The following PRMT8 variants were observed in gnomAD, a reference collection of about 807,000 sequenced individuals.
PRMT8 encodes protein arginine methyltransferase 8, also known as protein arginine N-methyltransferase 8.
A neutral mutation model predicts 47.1 loss-of-function variants in PRMT8; 7 were observed. The observed-to-expected ratio is 0.15, with a 90% CI of 0.08 to 0.28. The LOEUF (loss-of-function observed/expected upper bound fraction) is 0.28. PRMT8 is among the 10% of genes least tolerant of loss of function. The probability of loss-of-function intolerance (pLI) is 1.00; values close to 1 mark genes in which losing one functional copy is unlikely to be tolerated. For missense variants in PRMT8, 237 were observed against 505.4 expected (o/e 0.47, Z 5.09); for synonymous variants, 188 against 186.5 (o/e 1.01, Z -0.07).
At chr12:3,545,346 T>C (rs1277246961) in intron 2 of PRMT8, among the ~76,000 whole-genome samples, 1 of 152,336 alleles carries the variant, frequency 6.6e-6, no homozygotes, top group African/African-American at 2.4e-5. Flanking sequence ...CCATGCCCCA[T>C]GCCTGGTTCT....
At chr12:3,411,140 G>A (rs535561006) in intron 1 of PRMT8, among the ~76,000 whole-genome samples, 1 of 152,292 alleles carries the variant, frequency 6.6e-6, no homozygotes, top group South Asian at 2.1e-4. Flanking sequence ...TGCCTGGGGT[G>A]TTTGCCAGGC....
intron 4 of PRMT8, among the ~76,000 whole-genome samples, chr12:3,554,348 G>A (rs914221775): frequency 2.6e-5 from 4 of 152,182 alleles, no homozygotes; most frequent in Non-Finnish European, 5.9e-5. Context: ...ATCAGGAGAC[G>A]TCCTTGGAGC....
rs1036955247 is a variant in PRMT8 at position 3,505,978 on chromosome 12, T to G, written c.75+14278T>G. Among the ~76,000 whole-genome samples the G allele has an allele frequency of 6.6e-5, 10 of 152,326 alleles. 1 individual carries two copies. Among genetic ancestry groups the G allele is most frequent in the Admixed American group, 6.5e-4 (10 of 15,304 alleles). The stretch of plus-strand genomic sequence containing the variant: ...AACTTGGGCGCTGATCAGCAGCTTA[T>G]TTGAAGGGCTCTTCTGGAGGGCAGG... On this transcript the variant is annotated intron_variant, in intron 1 of 9. Coordinates refer to ENST00000382622, the MANE Select transcript of PRMT8 (RefSeq NM_019854.5).
At chr12:3,543,723 A>G (rs3782757) in intron 2 of PRMT8, among the ~76,000 whole-genome samples, 129,955 of 152,254 alleles carry the variant, frequency 0.85, 55,622 homozygotes, top group East Asian at 0.97. Context: ...AGACAACTCT[A>G]TCCCCAGCCT....
chr12:3,413,106 T>C (rs1042428213), intron 1 of PRMT8, among the ~76,000 whole-genome samples: 2 of 152,326 alleles, frequency 1.3e-5, no homozygotes, highest in East Asian at 3.9e-4. Flanking sequence ...TGCTTCTGGC[T>C]GTTAGCTAGT....
intron 4 of PRMT8, among the ~76,000 whole-genome samples, chr12:3,567,840 G>T (rs951583703): frequency 6.6e-6 from 1 of 152,102 alleles, no homozygotes; most frequent in Non-Finnish European, 1.5e-5. Context: ...TTGGGAGGCC[G>T]AGGCGGGTAG....
At chr12:3,523,900 G>A (rs564075364) in intron 1 of PRMT8, among the ~76,000 whole-genome samples, 1 of 152,226 alleles carries the variant, frequency 6.6e-6, no homozygotes, top group East Asian at 1.9e-4. Context: ...AGTTCAATAA[G>A]CCTATGGGAA....
intron 1 of PRMT8, among the ~76,000 whole-genome samples, chr12:3,537,983 C>T (rs776060853): frequency 6.6e-6 from 1 of 152,188 alleles, no homozygotes; most frequent in African/African-American, 2.4e-5. Flanking sequence ...CCGGCAATAG[C>T]TCCCCGTTGT....
intron 4 of PRMT8, among the ~76,000 whole-genome samples, chr12:3,567,378 C>T (rs1278148226): frequency 6.6e-6 from 1 of 152,206 alleles, no homozygotes; most frequent in Non-Finnish European, 1.5e-5. Flanking sequence ...AGAGCCCATG[C>T]TCTCATCAAA....
intron 1 of PRMT8, among the ~76,000 whole-genome samples, chr12:3,451,760 C>T (rs1864921284): frequency 6.6e-6 from 1 of 152,180 alleles, no homozygotes; most frequent in Non-Finnish European, 1.5e-5. Context: ...CATGTTGATT[C>T]ACTTAAAGGA....
At position 3,513,634 on chromosome 12, in the gene PRMT8, A is replaced by C. The variant is rs143586583; in HGVS notation, c.75+21934A>C. Reference sequence around the variant, plus strand: ...CGTGAGAGTGCAGTCTTCTCTGTCCATGGTGAGTTCCCTGCCGAATTTTCT... The same window carrying C: ...CGTGAGAGTGCAGTCTTCTCTGTCCCTGGTGAGTTCCCTGCCGAATTTTCT... On this transcript the variant is annotated intron_variant, in intron 1 of 9. Transcript: ENST00000382622. 4.3e-4 allele frequency among the ~76,000 whole-genome samples: 66 copies of C among 152,240 alleles called. 1 individual carries two copies. Among genetic ancestry groups the C allele is most frequent in the African/African-American group, 1.3e-3 (53 of 41,536 alleles).
rs1013558082 is a variant in PRMT8 at position 3,570,036 on chromosome 12, T to C, written c.712+472T>C. On this transcript the variant is annotated intron_variant, in intron 6 of 9. Transcript: ENST00000382622. This position sits in a 1 kb window ranked among gnomAD's most constrained non-coding sequence, Gnocchi z 5.5. ...ATTCTCTTATGCAAATACATATTAT[T>C]TGAGGTTCTTTTGAGGAATAGATAG... Among the ~76,000 whole-genome samples the C allele has an allele frequency of 6.6e-6, 1 of 152,186 alleles. No homozygotes were observed. Among genetic ancestry groups the C allele is most frequent in the East Asian group, 1.9e-4 (1 of 5,198 alleles).
intron 1 of PRMT8, among the ~76,000 whole-genome samples, chr12:3,404,237 C>A (rs11062637): frequency 0.25 from 37,882 of 151,982 alleles, 4,948 homozygotes; most frequent in African/African-American, 0.29. Context: ...GTATGTATTT[C>A]CATAAAATAT....
At chr12:3,396,493 A>G (rs1479495055) in intron 1 of PRMT8, among the ~76,000 whole-genome samples, 2 of 152,184 alleles carry the variant, frequency 1.3e-5, no homozygotes, top group Non-Finnish European at 2.9e-5. Context: ...GCTGGATATG[A>G]AATTCTGGGT....
chr12:3,472,218 G>C (rs1273532570), intron 1 of PRMT8, among the ~76,000 whole-genome samples: 1 of 152,210 alleles, frequency 6.6e-6, no homozygotes, highest in East Asian at 1.9e-4. Context: ...GTGATCCACA[G>C]ATTGCCCTGT....
At chr12:3,560,535 G>C (rs1866618961) in intron 4 of PRMT8, among the ~76,000 whole-genome samples, 1 of 152,208 alleles carries the variant, frequency 6.6e-6, no homozygotes, top group Non-Finnish European at 1.5e-5. Flanking sequence ...AAACCAGTGG[G>C]CTGCCGAGAT....
intron 1 of PRMT8, among the ~76,000 whole-genome samples, chr12:3,442,272 A>C (rs528380260): frequency 3.3e-5 from 5 of 152,342 alleles, no homozygotes; most frequent in African/African-American, 9.6e-5. Context: ...AGCTAACGAT[A>C]GGGTGGCTGT....
At chr12:3,449,712 G>T (rs2137079331) in intron 1 of PRMT8, among the ~76,000 whole-genome samples, 2 of 152,130 alleles carry the variant, frequency 1.3e-5, no homozygotes, top group East Asian at 3.9e-4. Flanking sequence ...AGTTTCTTTT[G>T]CTGTGCAGAA....
At chr12:3,424,137 G>T (rs1480358576) in intron 1 of PRMT8, among the ~76,000 whole-genome samples, 1 of 152,192 alleles carries the variant, frequency 6.6e-6, no homozygotes, top group East Asian at 1.9e-4. Context: ...ATCATAGAAA[G>T]TTTGAAACAC....
Sources: allele counts gnomAD v4.1 joint callset (sites outside exome capture counted in the v4.1 genomes callset), GRCh38; gene constraint gnomAD v4.1.1; non-coding constraint Gnocchi (gnomAD v3.1); transcripts MANE v1.5; gene names NCBI Gene and HGNC (gene_info 2026-07-23, HGNC 2026-07-21).